PPARGC1A: variants seen among roughly 807,000 people sequenced by gnomAD.
PPARGC1A encodes peroxisome proliferator-activated receptor gamma coactivator 1-alpha.
In PPARGC1A, 25 loss-of-function variants were observed where a neutral mutation model predicts 88.7. That is an observed-to-expected ratio of 0.28 (90% CI 0.21 to 0.39). The LOEUF (loss-of-function observed/expected upper bound fraction) is 0.39. Ranked by LOEUF, PPARGC1A falls within the 10% of genes least tolerant of loss-of-function variation. PPARGC1A has a pLI of 1.00. For synonymous variants in PPARGC1A, 363 were observed against 355.6 expected (o/e 1.02, Z -0.24); for missense variants, 880 against 968.7 (o/e 0.91, Z 1.22).
chr4:24,273,023 C>A, the PPARGC1A span, among the ~76,000 whole-genome samples: 1 of 152,182 alleles, frequency 6.6e-6, no homozygotes, highest in Non-Finnish European at 1.5e-5. Context: ...TATCTTCCAG[C>A]CACTTTCAAG....
intron 2 of PPARGC1A, among the ~76,000 whole-genome samples, chr4:23,882,437 A>AT (rs1383661032): frequency 2.0e-5 from 3 of 152,112 alleles, no homozygotes; most frequent in Non-Finnish European, 4.4e-5. Flanking sequence ...AGGCTGAATC[A>AT]TTTTTTGTGG....
the PPARGC1A span, among the ~76,000 whole-genome samples, chr4:24,073,946 G>T: frequency 1.3e-5 from 2 of 152,108 alleles, no homozygotes; most frequent in Admixed American, 6.6e-5. Flanking sequence ...ATGGCTCCTG[G>T]TGAGTATCCG....
the PPARGC1A span, among the ~76,000 whole-genome samples, chr4:24,263,456 T>TATACACAC: frequency 6.7e-6 from 1 of 150,086 alleles, no homozygotes; most frequent in African/African-American, 2.5e-5. Context: ...TGTGGGTGTA[T>TATACACAC]ACACACACAC....
chr4:24,336,178 T>A, the PPARGC1A span, among the ~76,000 whole-genome samples: 423 of 152,310 alleles, frequency 2.8e-3, 5 homozygotes, highest in African/African-American at 9.8e-3. Context: ...GTATTTTGTG[T>A]CTGGTTCCAA....
the PPARGC1A span, among the ~76,000 whole-genome samples, chr4:24,294,590 C>G: frequency 1.3e-5 from 2 of 152,126 alleles, no homozygotes; most frequent in African/African-American, 4.8e-5. Context: ...TCCCCACCCC[C>G]ACTCCCAAAA....
chr4:24,335,045 A>T, the PPARGC1A span, among the ~76,000 whole-genome samples: 1 of 152,214 alleles, frequency 6.6e-6, no homozygotes, highest in African/African-American at 2.4e-5. Context: ...TAAGGGAAGC[A>T]ATTACTTATC....
At chr4:23,951,164 G>A in the PPARGC1A span, among the ~76,000 whole-genome samples, 128 of 152,142 alleles carry the variant, frequency 8.4e-4, 1 homozygote, top group African/African-American at 3.1e-3. Context: ...TCAAACACAC[G>A]GATTTTGATG....
the PPARGC1A span, among the ~76,000 whole-genome samples, chr4:24,118,367 C>A: frequency 1.3e-5 from 2 of 152,122 alleles, no homozygotes; most frequent in Non-Finnish European, 2.9e-5. Flanking sequence ...AAAACCCAAA[C>A]GTTAGAAGGT....
At chr4:24,299,250 C>T in the PPARGC1A span, among the ~76,000 whole-genome samples, 1 of 152,116 alleles carries the variant, frequency 6.6e-6, no homozygotes, top group Non-Finnish European at 1.5e-5. Context: ...CAGCATGAAT[C>T]GCCACAGCTG....
rs1437966460 is a variant in PPARGC1A, at chr4:23,884,817, A to G, written c.169T>C (p.Trp57Arg). 2 of 1,613,974 alleles carry G rather than the reference A, an allele frequency of 1.2e-6. No homozygotes were observed. The highest frequency in any genetic ancestry group is 1.7e-6 in the Non-Finnish European group (2 of 1,179,892). Residue 57 changes from tryptophan (W) to arginine (R), a missense_variant, in exon 2 of 13, where the codon TGG becomes CGG. Physicochemically the swap from Trp to Arg is moderately radical, Grantham distance 101 (BLOSUM62 -3). Coordinates refer to ENST00000264867, the MANE Select transcript of PPARGC1A (RefSeq NM_013261.5). The stretch of plus-strand genomic sequence containing the variant: ...ATTATTTCTGATTGGTCACTGCACC[A>G]CTTGAGTCCACCCAGAAAGCTGTCT... ...DTDSFLGGLK[W>R]CSDQSEIISN... is the part of the protein sequence containing the mutation.
chr4:23,993,224 C>G, the PPARGC1A span, among the ~76,000 whole-genome samples: 2 of 152,156 alleles, frequency 1.3e-5, no homozygotes, highest in African/African-American at 4.8e-5. Context: ...TTGAGTATCT[C>G]TCTGTGCCAG....
chr4:24,154,414 A>T, the PPARGC1A span, among the ~76,000 whole-genome samples: 1 of 152,242 alleles, frequency 6.6e-6, no homozygotes, highest in Admixed American at 6.5e-5. Context: ...TCTAACATTC[A>T]GAGATTCTGA....
the PPARGC1A span, among the ~76,000 whole-genome samples, chr4:24,355,868 C>T: frequency 1.3e-5 from 2 of 152,136 alleles, no homozygotes; most frequent in Non-Finnish European, 2.9e-5. Flanking sequence ...GCCTCCTAAA[C>T]TTATTGTAGT....
the PPARGC1A span, among the ~76,000 whole-genome samples, chr4:24,158,410 C>T: frequency 2.0e-5 from 3 of 152,170 alleles, no homozygotes; most frequent in South Asian, 2.1e-4. Context: ...CTGTCCCAAG[C>T]TCAACATTAA....
intron 10 of PPARGC1A, among the ~76,000 whole-genome samples, chr4:23,808,118 G>T (rs1343449045): frequency 6.6e-6 from 1 of 152,042 alleles, no homozygotes; most frequent in Non-Finnish European, 1.5e-5. Flanking sequence ...GGGCGTGGTG[G>T]TGGATACCTG....
intron 12 of PPARGC1A, among the ~76,000 whole-genome samples, chr4:23,798,633 C>A (rs371011652): frequency 6.6e-6 from 1 of 152,050 alleles, no homozygotes; most frequent in South Asian, 2.1e-4. Flanking sequence ...AATTCCTAAT[C>A]AAAACTATTA....
chr4:24,361,252 A>C, the PPARGC1A span, among the ~76,000 whole-genome samples: 1 of 152,188 alleles, frequency 6.6e-6, no homozygotes, highest in Non-Finnish European at 1.5e-5. Context: ...AAAGGGAAAG[A>C]CATCATCATC....
At chr4:23,901,497 T>C (rs1719370569), upstream of PPARGC1A, among the ~76,000 whole-genome samples, 1 of 151,100 alleles carries the variant, frequency 6.6e-6, no homozygotes, top group Non-Finnish European at 1.5e-5. Flanking sequence ...TGAGCCGAGA[T>C]TGTGCCACTG....
At chr4:24,291,179 A>G in the PPARGC1A span, among the ~76,000 whole-genome samples, 3 of 151,920 alleles carry the variant, frequency 2.0e-5, no homozygotes, top group Non-Finnish European at 4.4e-5. Context: ...GCCCAGTGTC[A>G]CTCCTTTAAG....
Sources: gnomAD v4.1 joint callset for allele counts (sites outside exome capture counted in the v4.1 genomes callset) on GRCh38, gnomAD v4.1.1 for gene constraint, MANE v1.5 for transcripts, NCBI Gene and HGNC (gene_info 2026-07-23, HGNC 2026-07-21) for gene names.